Variants in AR observed in about 807,000 individuals in gnomAD.
AR encodes the protein dihydrotestosterone receptor.
In AR, 8 loss-of-function variants were observed where a neutral mutation model predicts 53.9. The observed-to-expected ratio is 0.15, with a 90% CI of 0.09 to 0.27. The LOEUF (loss-of-function observed/expected upper bound fraction) is 0.27. AR is among the 10% of genes least tolerant of loss of function. AR has a pLI of 1.00. For missense variants in AR, 639 were observed against 742.5 expected (o/e 0.86, Z 1.62); for synonymous variants, 359 against 316.4 (o/e 1.13, Z -1.43).
At chrX:67,708,317 A>G (rs1358875859) in intron 3 of AR, among the ~76,000 whole-genome samples, 2 of 111,117 alleles carry the variant, frequency 1.8e-5, no homozygotes, top group Non-Finnish European at 3.8e-5. Context: ...ATAGTCCCAT[A>G]TTTCTTGGAG....
Position 67,728,980 on chromosome X carries a change from C to G in AR, c.*5139C>G, listed in dbSNP as rs1462448663. ...ACCCAAGTGATTGACCAGTGGCCCCCTAATGGGACCTGAGCTGTTGGAAGA... is the reference window on the plus strand; with the variant it reads ...ACCCAAGTGATTGACCAGTGGCCCCGTAATGGGACCTGAGCTGTTGGAAGA... On this transcript the variant is annotated 3_prime_UTR_variant, in exon 8 of 8. Transcript: ENST00000374690. 1 of 172,783 alleles carries G rather than the reference C, an allele frequency of 5.8e-6. No homozygotes were observed. Among genetic ancestry groups the G allele is most frequent in the Non-Finnish European group, 1.1e-5 (1 of 90,577 alleles). The allele number at this position is 172,783 out of a possible 1,213,427, so 14.2% of individuals were successfully genotyped here.
In AR at chrX:67,546,533, G is replaced by C; in HGVS notation, c.1387G>C (p.Gly463Arg). The C allele has an allele frequency of 1.2e-6, 1 of 854,871 alleles. No homozygotes were observed. The highest frequency in any genetic ancestry group is 1.4e-6 in the Non-Finnish European group (1 of 691,721). The allele number at this position is 854,871 out of a possible 1,213,427, so 70.5% of individuals were successfully genotyped here. The change falls in exon 1 of 8, where the codon GGC (glycine) becomes CGC (arginine). Residue 463 changes from glycine to arginine, a missense_variant. Physicochemically the swap from Gly to Arg is moderately radical, Grantham distance 125 (BLOSUM62 -2). Coordinates refer to ENST00000374690, the MANE Select transcript of AR (RefSeq NM_000044.6). ...GGGTGGTGGCGGCGGCGGCGGCGGC[G>C]GCGGCGGCGGCGGCGGCGGCGGCGG... ...GGGGGGGGGG[G>R]GGGGGGGGGG...
rs985812358 is a variant in AR at position 67,597,796 on chromosome X, AC to A, written c.1617-45459del. ...CTTGCTTTTAGGATAAATATGTTTC[AC>A]TGGGACCAGCTGGAAAACGAAAAAT... On this transcript the variant is annotated intron_variant, in intron 1 of 7. Coordinates refer to ENST00000374690, the MANE Select transcript of AR (RefSeq NM_000044.6). Among the ~76,000 whole-genome samples, 20 of 112,486 alleles carry A rather than the reference AC, an allele frequency of 1.8e-4. No individual in the cohort carries two copies. The Admixed American group carries it at 1.8e-3, about 10-fold the overall frequency.
intron 1 of AR, among the ~76,000 whole-genome samples, chrX:67,603,410 CAA>C (rs1399341058): frequency 9.0e-6 from 1 of 111,459 alleles, no homozygotes; most frequent in Non-Finnish European, 1.9e-5. Context: ...TTGAGATTGA[CAA>C]AATTTGGTAA....
chrX:67,563,225 T>C (rs1396212370), intron 1 of AR, among the ~76,000 whole-genome samples: 1 of 111,484 alleles, frequency 9.0e-6, no homozygotes, highest in African/African-American at 3.3e-5. Flanking sequence ...GGAAAGAAGC[T>C]GGGGTAAGAG....
chrX:67,681,653 G>A (rs986639227), intron 2 of AR, among the ~76,000 whole-genome samples: 2 of 112,175 alleles, frequency 1.8e-5, no homozygotes, highest in Admixed American at 1.9e-4. Flanking sequence ...CAATGGGTTA[G>A]AGCTAAAAGG....
intron 4 of AR, among the ~76,000 whole-genome samples, chrX:67,715,904 G>A (rs1402008895): frequency 1.8e-5 from 2 of 111,692 alleles, no homozygotes; most frequent in South Asian, 3.8e-4. Context: ...TGGTAGGGAC[G>A]AGCTCTGAGG....
chrX:67,569,190 T>C (rs1387149460), intron 1 of AR, among the ~76,000 whole-genome samples: 2 of 59,139 alleles, frequency 3.4e-5, no homozygotes, highest in Non-Finnish European at 5.8e-5. Context: ...CAGAATATAG[T>C]GTGGGTGGGG....
intron 1 of AR, among the ~76,000 whole-genome samples, chrX:67,620,540 G>A (rs1466466341): frequency 1.8e-5 from 2 of 111,034 alleles, no homozygotes; most frequent in Non-Finnish European, 3.8e-5. Context: ...CTTTGGGTTT[G>A]AAATGTGATT....
intron 2 of AR, among the ~76,000 whole-genome samples, chrX:67,666,775 CATT>C (rs932383325): frequency 2.7e-5 from 3 of 111,692 alleles, no homozygotes; most frequent in East Asian, 2.8e-4. Context: ...AATGAGATCT[CATT>C]GTTGTTTTGA....
chrX:67,571,880 G>A (rs373919921), intron 1 of AR, among the ~76,000 whole-genome samples: 3 of 110,007 alleles, frequency 2.7e-5, no homozygotes, highest in Non-Finnish European at 3.8e-5. Flanking sequence ...AATTCAGACC[G>A]TTGAATTGAG....
chrX:67,711,263 C>T lies in AR; in HGVS notation c.1886-139C>T, dbSNP rs2076092490. 5 of 721,858 alleles carry T rather than the reference C, an allele frequency of 6.9e-6. No homozygotes were observed. The East Asian group carries it at 1.8e-4, about 25-fold the overall frequency. 59.5% of individuals were successfully genotyped at this position (721,858 alleles called of 1,213,427 possible). On this transcript the variant is annotated intron_variant, in intron 3 of 7. Transcript: ENST00000374690. ...ACATTTAACCAGTGTTGAATGAGCA[C>T]TTGTCCTTAAGGAGTTTAGAGTCTG...
rs1927060334 is a variant in AR, at chrX:67,663,390, G to A, written c.1768+19983G>A. Among the ~76,000 whole-genome samples, 4 of 111,927 alleles carry A rather than the reference G, an allele frequency of 3.6e-5. No individual in the cohort carries two copies. In the Admixed American group the frequency reaches 3.8e-4, roughly 11 times the overall value. On this transcript the variant is annotated intron_variant, in intron 2 of 7. Coordinates refer to ENST00000374690, the MANE Select transcript of AR (RefSeq NM_000044.6). Reference sequence around the variant, plus strand: ...ATTTCTCCTTCACCTATGAAGGTTAGTTTGGCTGGATATGAAATTCTGGTT... The same window carrying A: ...ATTTCTCCTTCACCTATGAAGGTTAATTTGGCTGGATATGAAATTCTGGTT...
At chrX:67,591,077 T>TA (rs1038338653) in intron 1 of AR, among the ~76,000 whole-genome samples, 5 of 111,483 alleles carry the variant, frequency 4.5e-5, no homozygotes, top group African/African-American at 1.6e-4. Context: ...TTAAGCCAGG[T>TA]ATGTGTATAT....
At chrX:67,721,329 A>T (rs1718521369) in intron 5 of AR, among the ~76,000 whole-genome samples, 1 of 112,372 alleles carries the variant, frequency 8.9e-6, no homozygotes, top group African/African-American at 3.2e-5. Flanking sequence ...AAAGGGGTCA[A>T]CAGGATGACC....
At chrX:67,616,209 T>A (rs1924109998) in intron 1 of AR, among the ~76,000 whole-genome samples, 1 of 111,417 alleles carries the variant, frequency 9.0e-6, no homozygotes, top group South Asian at 3.8e-4. Flanking sequence ...ATTATTTTTT[T>A]ATTATATTTT....
At chrX:67,591,613 A>C in intron 1 of AR, among the ~76,000 whole-genome samples, 1 of 111,674 alleles carries the variant, frequency 9.0e-6, no homozygotes, top group Non-Finnish European at 1.9e-5. Flanking sequence ...CCAAGGAGGC[A>C]AAATTCTGAT....
intron 4 of AR, among the ~76,000 whole-genome samples, chrX:67,716,042 G>T (rs887048265): frequency 5.4e-5 from 6 of 111,504 alleles, no homozygotes; most frequent in Non-Finnish European, 7.5e-5. Context: ...GCTTAAGGGA[G>T]GTAATTTGGA....
At position 67,694,287 on chromosome X, in the gene AR, A is replaced by G. The variant is rs756638278; in HGVS notation, c.1885+8161A>G. ...AGTAGTCTTTCTTGGTCTCTGAGTGACTGTAACTTAAATTCTACCTCCCTT... is the reference window on the plus strand; with the variant it reads ...AGTAGTCTTTCTTGGTCTCTGAGTGGCTGTAACTTAAATTCTACCTCCCTT... On this transcript the variant is annotated intron_variant, in intron 3 of 7. Coordinates refer to ENST00000374690, the MANE Select transcript of AR (RefSeq NM_000044.6). Among the ~76,000 whole-genome samples, 6 of 110,455 alleles carry G rather than the reference A, an allele frequency of 5.4e-5. No individual in the cohort carries two copies. The Admixed American group carries it at 5.8e-4, about 11-fold the overall frequency.
Sources: gnomAD v4.1 joint callset for allele counts (sites outside exome capture counted in the v4.1 genomes callset) on GRCh38, gnomAD v4.1.1 for gene constraint, MANE v1.5 for transcripts, NCBI Gene and HGNC (gene_info 2026-07-23, HGNC 2026-07-21) for gene names.